CCSER2: variants seen among roughly 807,000 people sequenced by gnomAD.
CCSER2 encodes the protein coiled-coil serine rich protein 2, also known as serine-rich coiled-coil domain-containing protein 2.
A neutral mutation model predicts 92.3 loss-of-function variants in CCSER2; 46 were observed. The observed-to-expected ratio is 0.50, with a 90% CI of 0.39 to 0.64. The LOEUF (loss-of-function observed/expected upper bound fraction) is 0.64, where lower values mean the gene tolerates loss of function less well. CCSER2 is among the 30% of genes least tolerant of loss of function. CCSER2 has a pLI of 0.00. For synonymous variants in CCSER2, 433 were observed against 431.4 expected (o/e 1.00, Z -0.04); for missense variants, 1,244 against 1,238.9 (o/e 1.00, Z -0.06).
chr10:84,505,927 G>A (rs1849016385), intron 9 of CCSER2, among the ~76,000 whole-genome samples: 1 of 151,682 alleles, frequency 6.6e-6, no homozygotes, highest in Non-Finnish European at 1.5e-5. Context: ...TTGTACTCTG[G>A]ATAAATATAC....
intron 7 of CCSER2, 133 bp from the exon 8 acceptor site, chr10:84,470,238 AG>A (rs909058383): frequency 2.3e-6 from 1 of 429,174 alleles, no homozygotes; most frequent in African/African-American, 2.1e-5. Flanking sequence ...ATGAAATCTT[AG>A]ATTTTTTTTT....
intron 8 of CCSER2, among the ~76,000 whole-genome samples, chr10:84,473,634 C>T (rs1015842095): frequency 2.0e-5 from 3 of 152,002 alleles, no homozygotes; most frequent in Admixed American, 2.0e-4. Context: ...AGATACAAAC[C>T]ATTTGAAAAC....
chr10:84,430,302 C>A (rs540640019), intron 5 of CCSER2, among the ~76,000 whole-genome samples: 6 of 152,236 alleles, frequency 3.9e-5, no homozygotes, highest in African/African-American at 1.4e-4. Flanking sequence ...ACATACACAG[C>A]CTATACATGT....
intron 9 of CCSER2, among the ~76,000 whole-genome samples, chr10:84,478,691 A>G (rs1589771801): frequency 6.6e-6 from 1 of 152,332 alleles, no homozygotes; most frequent in African/African-American, 2.4e-5. Context: ...ATACAGACAA[A>G]TAAGGATTCC....
chr10:84,370,935 TA>T, intron 1 of CCSER2, 78 bp from the exon 2 acceptor site: 2 of 639,134 alleles, frequency 3.1e-6, no homozygotes, highest in Non-Finnish European at 4.8e-6. Context: ...TATAAAAGTG[TA>T]AGTATCATAT....
At chr10:84,441,914 G>T (rs180685197) in intron 6 of CCSER2, among the ~76,000 whole-genome samples, 2 of 151,566 alleles carry the variant, frequency 1.3e-5, no homozygotes, top group Admixed American at 1.3e-4. Context: ...CCACCACCAC[G>T]CCCGGCTAAT....
intron 5 of CCSER2, among the ~76,000 whole-genome samples, chr10:84,428,299 A>G (rs1266908138): frequency 1.3e-5 from 2 of 152,168 alleles, no homozygotes; most frequent in Admixed American, 6.5e-5. Context: ...TTAGATTCTC[A>G]TAAGGGGTGT....
At chr10:84,486,961 T>G (rs1847844884) in intron 9 of CCSER2, among the ~76,000 whole-genome samples, 2 of 152,238 alleles carry the variant, frequency 1.3e-5, no homozygotes, top group Non-Finnish European at 1.5e-5. Context: ...TTTCTACATA[T>G]GGCTAGCCAG....
intron 1 of CCSER2, among the ~76,000 whole-genome samples, chr10:84,367,055 T>C (rs1845810265): frequency 6.6e-6 from 1 of 152,226 alleles, no homozygotes; most frequent in Admixed American, 6.5e-5. Context: ...TCCAGTTATT[T>C]CCTTTGTATA....
intron 9 of CCSER2, among the ~76,000 whole-genome samples, chr10:84,482,432 C>T (rs1485771126): frequency 2.6e-5 from 4 of 152,106 alleles, no homozygotes; most frequent in Non-Finnish European, 4.4e-5. Flanking sequence ...TAAAAACTTA[C>T]GAAACTATTT....
chr10:84,513,824 A>G lies in CCSER2; in HGVS notation c.2701A>G (p.Lys901Glu). Residue 901 changes from lysine (K) to glutamate (E), a missense_variant, in exon 10 of 10, where the codon AAG (lysine) becomes GAG (glutamate). By Grantham distance (56) the Lys-to-Glu change is moderately conservative. Coordinates refer to ENST00000372088, the MANE Select transcript of CCSER2 (RefSeq NM_001284240.2). ...CGAGTCAAGTACAGTAGACCAGGCT[A>G]AGAGAGTTGGAAGAAATCAGTCTCC... Reference protein sequence around the residue: ...PPESSTVDQAKRVGRNQSPPV... With the variant: ...PPESSTVDQAERVGRNQSPPV... The G allele has an allele frequency of 2.6e-6, 4 of 1,536,282 alleles. No individual in the cohort carries two copies. Among genetic ancestry groups the G allele is most frequent in the Non-Finnish European group, 3.5e-6 (4 of 1,146,920 alleles).
intron 9 of CCSER2, among the ~76,000 whole-genome samples, chr10:84,487,951 C>T (rs901548350): frequency 5.9e-5 from 9 of 152,014 alleles, no homozygotes; most frequent in Non-Finnish European, 2.9e-5. Flanking sequence ...TAGCATGAAG[C>T]GCTGTTGAAT....
At chr10:84,449,526 G>T (rs1229426401) in intron 6 of CCSER2, among the ~76,000 whole-genome samples, 3 of 152,168 alleles carry the variant, frequency 2.0e-5, no homozygotes, top group Non-Finnish European at 4.4e-5. Flanking sequence ...CTTCAGGACT[G>T]TTGTGAAGAA....
rs972279015 is a variant in CCSER2 at position 84,496,376 on chromosome 10, C to T, written c.2326-17073C>T. Among the ~76,000 whole-genome samples the T allele has an allele frequency of 3.3e-5, 5 of 152,108 alleles. No individual in the cohort carries two copies. The South Asian group carries it at 8.3e-4, about 25-fold the overall frequency. On this transcript the variant is annotated intron_variant, in intron 9 of 9. Transcript: ENST00000372088. ...TCTCGGCTCACAGCAAGCTCCGCCT[C>T]CTGGGTTCATGCTGTTCTCCTGCCT... is the stretch of plus-strand genomic sequence containing the variant.
chr10:84,379,946 G>A (rs1840806959), intron 3 of CCSER2, among the ~76,000 whole-genome samples: 3 of 152,168 alleles, frequency 2.0e-5, no homozygotes, highest in Non-Finnish European at 4.4e-5. Context: ...TGGTGTAGCA[G>A]TGAACATTCG....
At chr10:84,449,878 T>G (rs948981893) in intron 6 of CCSER2, among the ~76,000 whole-genome samples, 1 of 152,018 alleles carries the variant, frequency 6.6e-6, no homozygotes, top group Non-Finnish European at 1.5e-5. Context: ...AAAAACACAT[T>G]AAATTGCTAA....
chr10:84,516,673 A>G lies in CCSER2; in HGVS notation c.*2406A>G, dbSNP rs540636659. 6.6e-6 allele frequency: 1 copy of G among 152,308 alleles called. No homozygotes were observed. The highest frequency in any genetic ancestry group is 2.4e-5 in the African/African-American group (1 of 41,570). 9.4% of individuals were successfully genotyped at this position (152,308 alleles called of 1,614,324 possible). ...GGGAAATGTCTTTATTGTCCATTAC[A>G]TAAAAATGTTGACTCCAGTAATTTA... On this transcript the variant is annotated 3_prime_UTR_variant, in exon 10 of 10. Coordinates refer to ENST00000372088, the MANE Select transcript of CCSER2 (RefSeq NM_001284240.2).
At chr10:84,369,870 C>T (rs1328968806) in intron 1 of CCSER2, among the ~76,000 whole-genome samples, 1 of 152,084 alleles carries the variant, frequency 6.6e-6, no homozygotes, top group Non-Finnish European at 1.5e-5. Context: ...CTACATGTGG[C>T]TATCCAGTTT....
At position 84,451,173 on chromosome 10, in the gene CCSER2, A is replaced by C. The variant is rs115795582; in HGVS notation, c.2064+12466A>C. On this transcript the variant is annotated intron_variant, in intron 6 of 9. Coordinates refer to ENST00000372088, the MANE Select transcript of CCSER2 (RefSeq NM_001284240.2). ...CACAACACATAGAGCAATGAAAGAG[A>C]ATAGGAAACATAGAAATATGTGCTG... Among the ~76,000 whole-genome samples, 417 of 152,256 alleles carry C rather than the reference A, an allele frequency of 2.7e-3. 3 individuals are homozygous for C. The highest frequency in any genetic ancestry group is 9.6e-3 in the African/African-American group (399 of 41,566).
Sources: gnomAD v4.1 joint callset for allele counts (sites outside exome capture counted in the v4.1 genomes callset) on GRCh38, gnomAD v4.1.1 for gene constraint, MANE v1.5 for transcripts, NCBI Gene and HGNC (gene_info 2026-07-23, HGNC 2026-07-21) for gene names.